TANC2: variants seen among roughly 807,000 people sequenced by gnomAD.
TANC2 encodes protein TANC2.
Under a neutral mutation model 210.5 loss-of-function variants are expected in TANC2, and 26 were observed. The ratio of observed to expected loss-of-function variants is 0.12; its 90% CI spans 0.09 to 0.17. The LOEUF is 0.17. Ranked by LOEUF, TANC2 falls within the 10% of genes least tolerant of loss-of-function variation. TANC2 has a pLI of 1.00. For missense variants in TANC2, 2,129 were observed against 2,608.9 expected (o/e 0.82, Z 4.01); for synonymous variants, 931 against 967.1 (o/e 0.96, Z 0.69).
intron 13 of TANC2, among the ~76,000 whole-genome samples, chr17:63,352,195 A>T (rs2046631964): frequency 6.6e-6 from 1 of 152,126 alleles, no homozygotes; most frequent in African/African-American, 2.4e-5. Flanking sequence ...ATGAATATTA[A>T]AATCTCAAAC....
At chr17:63,266,612 G>A (rs2043536734) in intron 8 of TANC2, among the ~76,000 whole-genome samples, 2 of 152,034 alleles carry the variant, frequency 1.3e-5, no homozygotes, top group African/African-American at 4.8e-5. Flanking sequence ...TATATCATTG[G>A]TGGCAAAATT....
intron 7 of TANC2, among the ~76,000 whole-genome samples, chr17:63,230,668 AG>A (rs1289169269): frequency 2.2e-4 from 33 of 152,286 alleles, no homozygotes; most frequent in Admixed American, 1.7e-3. Context: ...GCATTTCCTG[AG>A]GAGTGTTTGA....
At chr17:63,225,984 A>C (rs1477554316) in intron 7 of TANC2, among the ~76,000 whole-genome samples, 1 of 152,236 alleles carries the variant, frequency 6.6e-6, no homozygotes, top group Non-Finnish European at 1.5e-5. Context: ...AGATATTTTC[A>C]TGTTACTTGT....
intron 2 of TANC2, among the ~76,000 whole-genome samples, chr17:63,043,729 C>G: frequency 6.6e-6 from 1 of 152,102 alleles, no homozygotes; most frequent in East Asian, 1.9e-4. Context: ...TTCAAAATTG[C>G]TTTAACTGAT....
At chr17:63,314,790 A>G (rs1555630053) in intron 10 of TANC2, 121 bp downstream of exon 10, 2 of 1,237,024 alleles carry the variant, frequency 1.6e-6, no homozygotes. Context: ...CCACGTGAGG[A>G]CTATTCATTT....
intron 6 of TANC2, 36 bp from the exon 7 acceptor site, chr17:63,200,735 A>C: frequency 6.4e-7 from 1 of 1,559,186 alleles, no homozygotes; most frequent in Non-Finnish European, 8.7e-7. Context: ...ACAGCTGATC[A>C]GGTTATCTTA....
chr17:63,105,433 A>G (rs2037788413), intron 4 of TANC2, among the ~76,000 whole-genome samples: 1 of 151,784 alleles, frequency 6.6e-6, no homozygotes, highest in South Asian at 2.1e-4. Context: ...AAAAGGGCCT[A>G]TACATAGTGT....
chr17:63,169,048 G>T (rs1401998399), intron 5 of TANC2, among the ~76,000 whole-genome samples: 1 of 152,140 alleles, frequency 6.6e-6, no homozygotes, highest in Admixed American at 6.5e-5. Flanking sequence ...GGAAAGAAAG[G>T]AGAGTTTCCT....
At chr17:63,159,389 A>G (rs1484827613) in intron 5 of TANC2, among the ~76,000 whole-genome samples, 2 of 152,222 alleles carry the variant, frequency 1.3e-5, no homozygotes, top group African/African-American at 4.8e-5. Context: ...CTCTTATTTA[A>G]AAAGTTATCC....
At chr17:62,999,484 C>T (rs557947547) in intron 1 of TANC2, among the ~76,000 whole-genome samples, 72 of 152,296 alleles carry the variant, frequency 4.7e-4, no homozygotes, top group Non-Finnish European at 8.7e-4. Context: ...GGATTCAGTT[C>T]AACAGGAAGA....
Position 63,420,036 on chromosome 17 carries a change from A to T in TANC2, c.4306A>T (p.Ile1436Phe). 4.5e-6 allele frequency: 7 copies of T among 1,551,630 alleles called. No individual in the cohort carries two copies. The highest frequency in any genetic ancestry group is 2.4e-5 in the East Asian group (1 of 40,894). Residue 1436 changes from isoleucine (I) to phenylalanine (F), a missense_variant, in exon 28 of 28, where the codon ATC becomes TTC. By Grantham distance (21) the Ile-to-Phe change is conservative (BLOSUM62 0). This residue lies in a region of TANC2 where 584 missense variants were observed against 627.3 expected (regional missense o/e 0.93). Transcript: ENST00000689528. This position sits in a 1 kb window ranked among gnomAD's most constrained non-coding sequence, Gnocchi z 4.2. ...AGCCTTAGAGGACCTGAACGAGGCC[A>T]TCAAGCTGTGTCCCAACAACCGTGA...
intron 14 of TANC2, among the ~76,000 whole-genome samples, chr17:63,366,477 A>G (rs2047113348): frequency 6.6e-6 from 1 of 152,208 alleles, no homozygotes; most frequent in South Asian, 2.1e-4. Flanking sequence ...TGGTGTTTCA[A>G]ACTGACATTT....
intron 9 of TANC2, among the ~76,000 whole-genome samples, chr17:63,289,932 A>T (rs1388715481): frequency 6.7e-6 from 1 of 149,200 alleles, no homozygotes; most frequent in East Asian, 1.9e-4. Context: ...TTCCTCAGGT[A>T]TTGTTTTCCT....
exon 6 of TANC2, chr17:63,194,040 A>G: frequency 6.2e-7 from 1 of 1,613,312 alleles, no homozygotes; most frequent in Non-Finnish European, 8.5e-7. Flanking sequence ...ATGAGGCAGC[A>G]AACACACTCA....
At chr17:63,021,652 A>G (rs906189467) in intron 2 of TANC2, among the ~76,000 whole-genome samples, 15 of 152,238 alleles carry the variant, frequency 9.9e-5, no homozygotes, top group Admixed American at 9.8e-4. Flanking sequence ...GGACTAAGAC[A>G]AAATTGGTAC....
intron 4 of TANC2, among the ~76,000 whole-genome samples, chr17:63,100,080 C>G (rs1026814871): frequency 2.6e-5 from 4 of 152,076 alleles, no homozygotes; most frequent in African/African-American, 9.7e-5. Flanking sequence ...CAATATATCC[C>G]TGATGTCAGT....
At position 63,039,089 on chromosome 17, in the gene TANC2, G is replaced by C. The variant is rs573657001; in HGVS notation, c.67+29463G>C. 2.6e-5 allele frequency among the ~76,000 whole-genome samples: 4 copies of C among 152,236 alleles called. No homozygotes were observed. The South Asian group carries it at 8.3e-4, about 32-fold the overall frequency. On this transcript the variant is annotated intron_variant, in intron 2 of 27. Transcript: ENST00000689528. ...TGAATTATTTGTTGATGAAAGGTAT[G>C]GGAGGAAGGCCTGTTTATGCATTTA...
At chr17:63,044,036 A>T (rs1214671769) in intron 2 of TANC2, among the ~76,000 whole-genome samples, 1 of 152,138 alleles carries the variant, frequency 6.6e-6, no homozygotes, top group Non-Finnish European at 1.5e-5. Flanking sequence ...TTGTGTCTCC[A>T]ATCTCAGTAC....
intron 3 of TANC2, chr17:63,088,361 C>T (rs1292299389): frequency 6.6e-6 from 1 of 152,138 alleles, no homozygotes; most frequent in East Asian, 1.9e-4. Flanking sequence ...TTTCCATAGG[C>T]ATAGGTTGAA....
Sources: allele counts gnomAD v4.1 joint callset (sites outside exome capture counted in the v4.1 genomes callset), GRCh38; gene constraint gnomAD v4.1.1; regional missense constraint gnomAD v4.1.1; non-coding constraint Gnocchi (gnomAD v3.1); transcripts MANE v1.5; gene names NCBI Gene and HGNC (gene_info 2026-07-23, HGNC 2026-07-21).